The following RALY variants were observed in gnomAD, a reference collection of about 807,000 sequenced individuals.
RALY encodes the protein RNA-binding protein Raly.
RALY carries 15 observed loss-of-function variants against 30.7 expected under a neutral mutation model. The observed-to-expected ratio is 0.49, with a 90% CI of 0.33 to 0.75. The LOEUF (loss-of-function observed/expected upper bound fraction) is 0.75, where lower values mean the gene tolerates loss of function less well. RALY is among the 30% of genes least tolerant of loss of function. RALY has a pLI of 0.02. For synonymous variants in RALY, 177 were observed against 170.8 expected, an observed-to-expected ratio of 1.04 and a Z score of -0.28; for missense variants, 339 against 414.3, an observed-to-expected ratio of 0.82 and a Z score of 1.58.
chr20:34,065,185 GTAA>G (rs1393145550), intron 2 of RALY: 1 of 152,186 alleles, frequency 6.6e-6, no homozygotes, highest in Non-Finnish European at 1.5e-5. Flanking sequence ...TAGGAAGTGG[GTAA>G]TAATAGAAAT....
chr20:34,073,356 A>G (rs1316970301), intron 3 of RALY, among the ~76,000 whole-genome samples: 3 of 152,200 alleles, frequency 2.0e-5, no homozygotes, highest in African/African-American at 7.2e-5. Context: ...GTGTATGGAC[A>G]TATAAACAGG....
chr20:34,040,934 G>A (rs1025522275), intron 2 of RALY, among the ~76,000 whole-genome samples: 2 of 152,160 alleles, frequency 1.3e-5, no homozygotes, highest in African/African-American at 4.8e-5. Context: ...GTGTTTGGGA[G>A]TACCCAAGAA....
In RALY at chr20:34,077,118, G is replaced by C; in HGVS notation, c.749G>C (p.Gly250Ala). ...GGGGSGGGGGGGSSRPPAPQE... is the reference protein window; with the variant it reads ...GGGGSGGGGGAGSSRPPAPQE... ...GGTGGCAGTGGTGGTGGCGGTGGCG[G>C]TGGCAGCAGCCGGCCACCAGCCCCC... Residue 250 changes from glycine (G) to alanine (A), a missense_variant, in exon 8 of 10, where the codon GGT becomes GCT. Physicochemically the swap from Gly to Ala is moderately conservative, Grantham distance 60. Around this residue, in one of 2 missense-constraint regions of RALY, gnomAD observed 268 missense variants for 280.6 expected, o/e 0.95. Transcript: ENST00000246194. 6 of 1,606,466 alleles carry C rather than the reference G, an allele frequency of 3.7e-6. No individual in the cohort carries two copies. The highest frequency in any genetic ancestry group is 5.1e-6 in the Non-Finnish European group (6 of 1,176,286).
intron 9 of RALY, 54 bp downstream of exon 9, chr20:34,078,607 T>C: frequency 6.9e-7 from 1 of 1,457,964 alleles, no homozygotes; most frequent in Non-Finnish European, 9.1e-7. Context: ...GAAGTGGAGG[T>C]TGTGCCTTTT....
chr20:34,074,880 C>T (rs1377202428), intron 5 of RALY, among the ~76,000 whole-genome samples: 2 of 152,174 alleles, frequency 1.3e-5, no homozygotes, highest in South Asian at 2.1e-4. Flanking sequence ...GGAAGGGGCT[C>T]CCTGAACAAA....
chr20:34,016,908 C>T (rs983371026), intron 1 of RALY, among the ~76,000 whole-genome samples: 1 of 152,228 alleles, frequency 6.6e-6, no homozygotes, highest in Non-Finnish European at 1.5e-5. Context: ...TCAATATGGG[C>T]CTGTAGCCAG....
intron 2 of RALY, among the ~76,000 whole-genome samples, chr20:34,049,690 T>G (rs146457302): frequency 1.6e-4 from 24 of 152,342 alleles, no homozygotes; most frequent in African/African-American, 5.5e-4. Flanking sequence ...CATCATTAAT[T>G]CATTGAACCT....
At chr20:34,024,284 T>C (rs1160922185) in intron 1 of RALY, among the ~76,000 whole-genome samples, 2 of 152,160 alleles carry the variant, frequency 1.3e-5, no homozygotes, top group African/African-American at 4.8e-5. Flanking sequence ...AGATTCTCAC[T>C]TCCAGCTCAA....
intron 2 of RALY, among the ~76,000 whole-genome samples, 179 bp from the exon 3 acceptor site, chr20:34,071,887 C>T (rs1178307264): frequency 6.6e-6 from 1 of 152,164 alleles, no homozygotes; most frequent in African/African-American, 2.4e-5. Flanking sequence ...ATGAGGTCAG[C>T]AGCCAATATG....
At chr20:34,016,343 T>TGG (rs1402070070) in intron 1 of RALY, 1 of 152,228 alleles carries the variant, frequency 6.6e-6, no homozygotes, top group African/African-American at 2.4e-5. Flanking sequence ...AGTATAATGA[T>TGG]GGGGGTAGGG....
chr20:34,042,838 G>A (rs767644308), intron 2 of RALY, among the ~76,000 whole-genome samples: 2 of 152,118 alleles, frequency 1.3e-5, no homozygotes, highest in African/African-American at 4.8e-5. Flanking sequence ...GGCCCTAATC[G>A]TTTGTGAAGA....
intron 2 of RALY, among the ~76,000 whole-genome samples, chr20:34,046,963 G>A (rs1426463166): frequency 6.6e-6 from 1 of 152,118 alleles, no homozygotes; most frequent in East Asian, 1.9e-4. Context: ...GGGATTATAG[G>A]CATGTGCCAC....
At chr20:34,026,568 TA>T (rs1324168269) in intron 1 of RALY, among the ~76,000 whole-genome samples, 1 of 82,450 alleles carries the variant, frequency 1.2e-5, no homozygotes, top group African/African-American at 3.4e-5. Flanking sequence ...CATGCCCAGC[TA>T]ATTTTTTTTT....
chr20:34,076,917 C>T (rs1159469726), intron 7 of RALY, 102 bp downstream of exon 7: 6 of 1,589,954 alleles, frequency 3.8e-6, no homozygotes, highest in Admixed American at 1.7e-5. Flanking sequence ...CCCTGCAGAT[C>T]CTGGACCACC....
intron 3 of RALY, among the ~76,000 whole-genome samples, chr20:34,072,959 T>TGTGTGTGTGTGTGTGTGAGA (rs142692706): frequency 6.7e-6 from 1 of 148,892 alleles, no homozygotes; most frequent in African/African-American, 2.5e-5. Context: ...TGTGTGTGTG[T>TGTGTGTGTGTGTGTGTGAGA]GAGAGAGAGA....
At chr20:34,078,167 C>G (rs1486944026) in intron 8 of RALY, among the ~76,000 whole-genome samples, 1 of 152,208 alleles carries the variant, frequency 6.6e-6, no homozygotes, top group Non-Finnish European at 1.5e-5. Context: ...CCATAAAGGC[C>G]CTAACAAAGA....
At chr20:34,021,256 C>G (rs985383917) in intron 1 of RALY, among the ~76,000 whole-genome samples, 1 of 152,170 alleles carries the variant, frequency 6.6e-6, no homozygotes, top group Non-Finnish European at 1.5e-5. Flanking sequence ...AGCCACTGTG[C>G]CAGGCTGAAA....
intron 2 of RALY, among the ~76,000 whole-genome samples, chr20:34,032,919 G>A (rs1198498609): frequency 6.6e-6 from 1 of 152,168 alleles, no homozygotes; most frequent in Non-Finnish European, 1.5e-5. Flanking sequence ...AACAGGGCAG[G>A]TAGGAGTTAG....
At chr20:34,058,655 A>G (rs1353483431) in intron 2 of RALY, among the ~76,000 whole-genome samples, 4 of 152,218 alleles carry the variant, frequency 2.6e-5, no homozygotes, top group African/African-American at 4.8e-5. Context: ...TACTCTCTGC[A>G]CTAGGGTTTG....
Sources: gnomAD v4.1 joint callset for allele counts (sites outside exome capture counted in the v4.1 genomes callset) on GRCh38, gnomAD v4.1.1 for gene constraint, gnomAD v4.1.1 regional missense constraint, MANE v1.5 for transcripts, NCBI Gene and HGNC (gene_info 2026-07-23, HGNC 2026-07-21) for gene names.